ANKRD13A: variants seen among roughly 807,000 people sequenced by gnomAD.
ANKRD13A encodes ankyrin repeat domain 13A, also known as ankyrin repeat domain-containing protein 13A.
Under a neutral mutation model 81.3 loss-of-function variants are expected in ANKRD13A, and 48 were observed. The observed-to-expected ratio is 0.59, with a 90% CI of 0.47 to 0.75. The LOEUF (loss-of-function observed/expected upper bound fraction) is 0.75, where lower values mean the gene tolerates loss of function less well. Among genes scored for constraint, ANKRD13A ranks in the 30% least tolerant of loss-of-function variants. The pLI is 0.00. For synonymous variants in ANKRD13A, 230 were observed against 270.1 expected (o/e 0.85, Z 1.45); for missense variants, 612 against 734.0 (o/e 0.83, Z 1.92).
intron 6 of ANKRD13A, 28 bp downstream of exon 6, chr12:110,019,356 G>A (rs373452274): frequency 5.8e-6 from 9 of 1,559,014 alleles, no homozygotes; most frequent in Non-Finnish European, 7.8e-6. Flanking sequence ...AAATTTTAAT[G>A]TCTAATCCCC....
chr12:110,003,209 G>A (rs887828510), intron 1 of ANKRD13A, among the ~76,000 whole-genome samples: 2 of 152,192 alleles, frequency 1.3e-5, no homozygotes, highest in Non-Finnish European at 2.9e-5. Flanking sequence ...GTGAGGTGGA[G>A]GGTGGCAAAT....
Position 110,036,097 on chromosome 12 carries a change from T to C in ANKRD13A, c.1510-164T>C. The C allele has an allele frequency of 3.5e-6, 2 of 567,466 alleles. No individual in the cohort carries two copies. The highest frequency in any genetic ancestry group is 2.6e-5 in the Admixed American group (1 of 38,632). The allele number at this position is 567,466 out of a possible 1,614,324, so 35.2% of individuals were successfully genotyped here. ...CATGTTACTACCTCCCACTTAGGTG[T>C]TGTTTTTGAGGTAACCCAAGTCCCT... On this transcript the variant is annotated intron_variant, in intron 13 of 14. Coordinates refer to ENST00000261739, the MANE Select transcript of ANKRD13A (RefSeq NM_033121.2). This position sits in a 1 kb window ranked among gnomAD's most constrained non-coding sequence, Gnocchi z 4.6.
At chr12:110,022,907 A>G (rs1353881443) in intron 6 of ANKRD13A, among the ~76,000 whole-genome samples, 1 of 152,196 alleles carries the variant, frequency 6.6e-6, no homozygotes, top group Non-Finnish European at 1.5e-5. Flanking sequence ...GTAGACAACT[A>G]GTAGGAAAAT....
At chr12:110,000,957 A>G (rs1330716261) in intron 1 of ANKRD13A, among the ~76,000 whole-genome samples, 2 of 151,228 alleles carry the variant, frequency 1.3e-5, no homozygotes, top group East Asian at 1.9e-4. Context: ...GGGTTTCTCC[A>G]TGTTGGTCAG....
intron 8 of ANKRD13A, among the ~76,000 whole-genome samples, chr12:110,026,660 TC>T (rs1312242618): frequency 2.6e-5 from 4 of 151,870 alleles, no homozygotes; most frequent in Non-Finnish European, 5.9e-5. Flanking sequence ...GGTGGGCAGA[TC>T]ACTTGAGGCC....
chr12:110,020,432 G>A (rs187355681), intron 6 of ANKRD13A, among the ~76,000 whole-genome samples: 40 of 152,342 alleles, frequency 2.6e-4, no homozygotes, highest in Non-Finnish European at 5.4e-4. Flanking sequence ...TTTAGATTGA[G>A]CTGTGGAATT....
rs367745440 is a variant in ANKRD13A, at chr12:110,019,169, A to G, written c.575A>G (p.His192Arg). 6 of 1,607,622 alleles carry G rather than the reference A, an allele frequency of 3.7e-6. No homozygotes were observed. The highest frequency in any genetic ancestry group is 4.3e-6 in the Non-Finnish European group (5 of 1,176,092). Residue 192 changes from histidine (H) to arginine (R), a missense_variant, in exon 6 of 15, where the codon CAT becomes CGT. Transcript: ENST00000261739. Reference protein sequence around the residue: ...DNWAELMEVNHDDKVVTTERF... With the variant: ...DNWAELMEVNRDDKVVTTERF... ...TGGGCGGAGTTAATGGAAGTCAACCATGATGACAAAGTGGTCACCACCGAA... is the reference window on the plus strand; with the variant it reads ...TGGGCGGAGTTAATGGAAGTCAACCGTGATGACAAAGTGGTCACCACCGAA...
chr12:110,021,992 G>C (rs1891102827), intron 6 of ANKRD13A: 1 of 151,916 alleles, frequency 6.6e-6, no homozygotes, highest in Admixed American at 6.6e-5. Context: ...TGTGGTCTCA[G>C]TGGAGACAGG....
At position 110,021,137 on chromosome 12, in the gene ANKRD13A, T is replaced by C. The variant is rs556231309; in HGVS notation, c.734+1809T>C. 135 of 457,036 alleles carry C rather than the reference T, an allele frequency of 3.0e-4. 1 individual carries two copies. The highest frequency in any genetic ancestry group is 4.2e-4 in the Non-Finnish European group (95 of 227,056). The allele number at this position is 457,036 out of a possible 1,614,324, so 28.3% of individuals were successfully genotyped here. ...TTCAGAGTTCTCAAGCTAACTCTTT[T>C]GCAACTGACAGTGTGTAGCTGAGAG... On this transcript the variant is annotated intron_variant, in intron 6 of 14. Transcript: ENST00000261739.
In ANKRD13A at chr12:110,025,726, C is replaced by A; in HGVS notation, c.802-16C>A. On this transcript the variant is annotated splice_polypyrimidine_tract_variant and intron_variant, in intron 7 of 14. Transcript: ENST00000261739. ...GATTCCCTGTGTCACTGTTTTCTTT[C>A]GCATACACCTCTCAGGTTTACACAG... The A allele has an allele frequency of 6.3e-7, 1 of 1,587,012 alleles. No homozygotes were observed. The highest frequency in any genetic ancestry group is 8.6e-7 in the Non-Finnish European group (1 of 1,166,068).
intron 3 of ANKRD13A, among the ~76,000 whole-genome samples, chr12:110,014,115 T>C (rs908618898): frequency 2.6e-5 from 4 of 152,136 alleles, no homozygotes; most frequent in African/African-American, 9.7e-5. Flanking sequence ...ACAACTTTAT[T>C]ATAAATAAGA....
At chr12:110,013,037 A>G in intron 2 of ANKRD13A, 88 bp from the exon 3 acceptor site, 2 of 1,440,224 alleles carry the variant, frequency 1.4e-6, no homozygotes, top group South Asian at 2.5e-5. Flanking sequence ...TGAAGAAAAT[A>G]CTGGTCTTTG....
chr12:109,999,558 G>C lies in ANKRD13A; in HGVS notation c.-131G>C, dbSNP rs1375029648. ...GCGCGCCCCGCACCCGACCGGCTCA[G>C]CCGGCCGGCAGCGTAACACGCCCTA... On this transcript the variant is annotated 5_prime_UTR_variant, in exon 1 of 15. Transcript: ENST00000261739. The surrounding 1 kb of genome is among the most constrained non-coding windows in gnomAD (Gnocchi z 4.3). 1 of 640,986 alleles carries C rather than the reference G, an allele frequency of 1.6e-6. No homozygotes were observed. The highest frequency in any genetic ancestry group is 2.2e-6 in the Non-Finnish European group (1 of 446,920). 39.7% of individuals were successfully genotyped at this position (640,986 alleles called of 1,614,324 possible).
At chr12:110,017,302 T>C (rs1890847945) in intron 4 of ANKRD13A, among the ~76,000 whole-genome samples, 1 of 152,258 alleles carries the variant, frequency 6.6e-6, no homozygotes, top group African/African-American at 2.4e-5. Context: ...TCTTTTAAAC[T>C]TGTTATTCTA....
intron 13 of ANKRD13A, among the ~76,000 whole-genome samples, chr12:110,035,431 C>T (rs892179535): frequency 6.6e-5 from 10 of 151,250 alleles, no homozygotes; most frequent in Non-Finnish European, 1.2e-4. Context: ...ATAGTGAGAT[C>T]CTATATCTAC....
intron 9 of ANKRD13A, 98 bp downstream of exon 9, chr12:110,027,864 A>G (rs1027792163): frequency 1.3e-5 from 15 of 1,184,452 alleles, no homozygotes; most frequent in Non-Finnish European, 1.8e-5. Flanking sequence ...AGCCCACTCT[A>G]TGTAAAGGCC....
At chr12:110,025,959 T>G in intron 8 of ANKRD13A, 136 bp downstream of exon 8, 1 of 628,408 alleles carries the variant, frequency 1.6e-6, no homozygotes, top group Non-Finnish European at 2.6e-6. Context: ...CTTCTCTCTC[T>G]CTCTCTTTTT....
chr12:110,033,986 G>A, intron 13 of ANKRD13A, 29 bp downstream of exon 13: 1 of 1,575,970 alleles, frequency 6.3e-7, no homozygotes, highest in Non-Finnish European at 8.6e-7. Context: ...TCTAATGGCA[G>A]GGCGTGGGAG....
chr12:110,033,117 G>T (rs1465286622), intron 12 of ANKRD13A, among the ~76,000 whole-genome samples: 1 of 148,860 alleles, frequency 6.7e-6, no homozygotes, highest in Admixed American at 6.7e-5. Context: ...GCAGTGGTGC[G>T]ATCTTGGCTC....
Sources: gnomAD v4.1 joint callset for allele counts (sites outside exome capture counted in the v4.1 genomes callset) on GRCh38, gnomAD v4.1.1 for gene constraint, Gnocchi (gnomAD v3.1) non-coding constraint, MANE v1.5 for transcripts, NCBI Gene and HGNC (gene_info 2026-07-23, HGNC 2026-07-21) for gene names.